Variants in KANK1 observed in about 807,000 individuals in gnomAD.
The protein encoded by KANK1 is KN motif and ankyrin repeat domain-containing protein 1.
In KANK1, 109 loss-of-function variants were observed where a neutral mutation model predicts 106.2. That is an observed-to-expected ratio of 1.03 (90% confidence interval 0.88 to 1.20). KANK1 has a LOEUF of 1.20. KANK1 is among the 50% of genes most tolerant of loss of function. The probability of loss-of-function intolerance (pLI) is 0.00; values close to 1 mark genes in which losing one functional copy is unlikely to be tolerated. For missense variants in KANK1, 2,399 were observed against 1,710.7 expected, an observed-to-expected ratio of 1.40 and a Z score of -7.10; for synonymous variants, 873 against 652.2, an observed-to-expected ratio of 1.34 and a Z score of -5.16.
At chr9:560,831 C>A (rs1017955910) in intron 1 of KANK1, among the ~76,000 whole-genome samples, 1 of 151,662 alleles carries the variant, frequency 6.6e-6, no homozygotes, top group Admixed American at 6.6e-5. Context: ...AACAAATACA[C>A]AATTAAGCTC....
chr9:613,699 A>C (rs1831117984), intron 1 of KANK1, among the ~76,000 whole-genome samples: 1 of 152,184 alleles, frequency 6.6e-6, no homozygotes, highest in Non-Finnish European at 1.5e-5. Flanking sequence ...AATGTAAATT[A>C]AGTAGTATTT....
intron 3 of KANK1, among the ~76,000 whole-genome samples, chr9:499,375 C>G (rs1256300357): frequency 2.6e-5 from 4 of 152,162 alleles, no homozygotes; most frequent in African/African-American, 9.7e-5. Context: ...AAATGTGGTA[C>G]ATCCACACAA....
chr9:622,051 T>C (rs1833265762), intron 1 of KANK1, among the ~76,000 whole-genome samples: 1 of 152,200 alleles, frequency 6.6e-6, no homozygotes, highest in Non-Finnish European at 1.5e-5. Flanking sequence ...CAGGGTCTTT[T>C]TCATACAACA....
chr9:711,549 G>C lies in KANK1; in HGVS notation c.783G>C (p.Gln261His), dbSNP rs759180739. 1.9e-6 allele frequency: 3 copies of C among 1,613,770 alleles called. No individual in the cohort carries two copies. The highest frequency in any genetic ancestry group is 2.7e-5 in the African/African-American group (2 of 74,924). ...PVTNVSPMHL[Q>H]HIREQMAIAL... The stretch of plus-strand genomic sequence containing the variant: ...CCAACGTGAGCCCCATGCACCTGCA[G>C]CACATCCGCGAGCAGATGGCCATTG... Residue 261 changes from glutamine (Q) to histidine (H), a missense_variant, in exon 3 of 12, where the codon CAG becomes CAC. Transcript: ENST00000382297.
intron 7 of KANK1, among the ~76,000 whole-genome samples, chr9:736,741 A>G (rs139275149): frequency 6.6e-6 from 1 of 152,102 alleles, no homozygotes; most frequent in Non-Finnish European, 1.5e-5. Context: ...ATAGAACTAC[A>G]TATTGAAATT....
chr9:604,719 G>C (rs1029330331), intron 1 of KANK1, among the ~76,000 whole-genome samples: 1 of 151,726 alleles, frequency 6.6e-6, no homozygotes, highest in African/African-American at 2.4e-5. Context: ...AATCTCAGCT[G>C]TTCGGGAAGC....
At chr9:723,183 G>C (rs1416690214) in intron 3 of KANK1, among the ~76,000 whole-genome samples, 1 of 152,122 alleles carries the variant, frequency 6.6e-6, no homozygotes, top group African/African-American at 2.4e-5. Flanking sequence ...GTAGCTGAGA[G>C]GTAAAGTTCC....
intron 3 of KANK1, among the ~76,000 whole-genome samples, chr9:724,599 C>T (rs1963166): frequency 0.011 from 1,642 of 152,002 alleles, 16 homozygotes; most frequent in Non-Finnish European, 0.017. Context: ...GTCAGGAGTT[C>T]GTGACCAGCC....
intron 1 of KANK1, among the ~76,000 whole-genome samples, chr9:589,275 C>A (rs1588066054): frequency 6.6e-6 from 1 of 152,082 alleles, no homozygotes. Flanking sequence ...GGCTTGCTCA[C>A]TGATGGTTGT....
chr9:719,768 T>C (rs990378001), intron 3 of KANK1, among the ~76,000 whole-genome samples: 1 of 151,950 alleles, frequency 6.6e-6, no homozygotes, highest in Non-Finnish European at 1.5e-5. Context: ...TTTTAAGAGA[T>C]GGGGTCTTGC....
intron 1 of KANK1, among the ~76,000 whole-genome samples, chr9:585,495 G>A (rs1297573767): frequency 6.6e-6 from 1 of 152,062 alleles, no homozygotes; most frequent in Non-Finnish European, 1.5e-5. Flanking sequence ...TTACCTTAAG[G>A]CACAAAGGCC....
In KANK1 at chr9:587,326, G is replaced by A. The variant is rs150299047; in HGVS notation, c.-84+82572G>A. On this transcript the variant is annotated intron_variant, in intron 1 of 11. Transcript: ENST00000382297. The stretch of plus-strand genomic sequence containing the variant: ...TTATAGGATGAAATATGAGCAAGCT[G>A]TTTTACTCTGAAGAATAAAAGTGAA... 2.2e-4 allele frequency among the ~76,000 whole-genome samples: 33 copies of A among 152,180 alleles called. 1 individual carries two copies. The highest frequency in any genetic ancestry group is 2.2e-3 in the Admixed American group (33 of 15,270).
At chr9:479,336 C>A (rs535298479) in intron 3 of KANK1, among the ~76,000 whole-genome samples, 2 of 152,298 alleles carry the variant, frequency 1.3e-5, no homozygotes, top group African/African-American at 4.8e-5. Context: ...TGGAGTTGCT[C>A]ATTGACCTAC....
At chr9:663,645 T>C (rs1329282053) in intron 1 of KANK1, among the ~76,000 whole-genome samples, 1 of 152,202 alleles carries the variant, frequency 6.6e-6, no homozygotes, top group East Asian at 1.9e-4. Flanking sequence ...CTGATAAACC[T>C]TCACCATAGA....
intron 3 of KANK1, among the ~76,000 whole-genome samples, chr9:499,516 G>A (rs10974844): frequency 0.23 from 34,972 of 152,060 alleles, 9,255 homozygotes; most frequent in African/African-American, 0.65. Context: ...CCAGACCTTG[G>A]AGATCCTCCA....
At chr9:669,167 T>A (rs1217169071) in intron 1 of KANK1, among the ~76,000 whole-genome samples, 1 of 152,240 alleles carries the variant, frequency 6.6e-6, no homozygotes, top group African/African-American at 2.4e-5. Flanking sequence ...CTTAACAGAT[T>A]GCTGTAGCTG....
chr9:696,242 C>T (rs1179116373), intron 2 of KANK1, among the ~76,000 whole-genome samples: 1 of 151,770 alleles, frequency 6.6e-6, no homozygotes, highest in Non-Finnish European at 1.5e-5. Flanking sequence ...CGAGATCACG[C>T]CACTGCACTC....
At chr9:585,633 A>G (rs952850921) in intron 1 of KANK1, among the ~76,000 whole-genome samples, 1 of 152,252 alleles carries the variant, frequency 6.6e-6, no homozygotes, top group African/African-American at 2.4e-5. Flanking sequence ...TCAGCTGGAC[A>G]GCTAATCTTG....
At chr9:707,494 C>T (rs1824704095) in intron 2 of KANK1, among the ~76,000 whole-genome samples, 1 of 150,410 alleles carries the variant, frequency 6.6e-6, no homozygotes, top group South Asian at 2.1e-4. Flanking sequence ...GGAGACAGGT[C>T]TGGCTGCTGC....
Sources: allele counts gnomAD v4.1 joint callset (sites outside exome capture counted in the v4.1 genomes callset), GRCh38; gene constraint gnomAD v4.1.1; transcripts MANE v1.5; gene names NCBI Gene and HGNC (gene_info 2026-07-23, HGNC 2026-07-21).